ZC3H12B: variants seen among roughly 807,000 people sequenced by gnomAD.
ZC3H12B encodes the protein zinc finger CCCH-type containing 12B, also known as probable ribonuclease ZC3H12B.
In ZC3H12B, 7 loss-of-function variants were observed where a neutral mutation model predicts 43.9. That is an observed-to-expected ratio of 0.16 (90% CI 0.09 to 0.30). ZC3H12B has a LOEUF of 0.30. Among genes scored for constraint, ZC3H12B ranks in the 10% least tolerant of loss-of-function variants. The pLI is 1.00. For missense variants in ZC3H12B, 475 were observed against 670.2 expected (o/e 0.71, Z 3.22); for synonymous variants, 222 against 241.7 (o/e 0.92, Z 0.76).
the ZC3H12B span, among the ~76,000 whole-genome samples, chrX:65,111,557 T>TTA: frequency 4.0e-3 from 316 of 79,932 alleles, no homozygotes; most frequent in African/African-American, 0.047. Context: ...TTTTTTATTA[T>TTA]TTTTTTTTTT....
chrX:65,385,224 A>G lies in ZC3H12B; in HGVS notation n.296-13369A>G, dbSNP rs755894295. Among the ~76,000 whole-genome samples, 6 of 112,099 alleles carry G rather than the reference A, an allele frequency of 5.4e-5. No individual in the cohort carries two copies. The East Asian group carries it at 1.1e-3, about 21-fold the overall frequency. Reference sequence around the variant, plus strand: ...GCACGATGGGGATGGCATTGAATCTATAAATTACCTTGGGCAGTATGGCCA... The same window carrying G: ...GCACGATGGGGATGGCATTGAATCTGTAAATTACCTTGGGCAGTATGGCCA... On this transcript the variant is annotated intron_variant and non_coding_transcript_variant, in intron 2 of 5. Coordinates refer to the ZC3H12B transcript ENST00000617377.
At chrX:65,487,625 C>G (rs1235740072), upstream of ZC3H12B, among the ~76,000 whole-genome samples, 1 of 112,139 alleles carries the variant, frequency 8.9e-6, no homozygotes, top group East Asian at 2.8e-4. Flanking sequence ...TCTGGTTTCT[C>G]TTGCAAGTTG....
intron 3 of ZC3H12B, among the ~76,000 whole-genome samples, chrX:65,435,644 GGATAGATA>G (rs34975614): frequency 0.093 from 8,744 of 94,260 alleles, 338 homozygotes; most frequent in Middle Eastern, 0.16. Context: ...AGAACCAATA[GGATAGATA>G]GATAGATAGA....
At chrX:65,317,511 A>C in the ZC3H12B span, among the ~76,000 whole-genome samples, 24,545 of 108,362 alleles carry the variant, frequency 0.23, 6,878 homozygotes, top group African/African-American at 0.78. Flanking sequence ...AATTTGTAGT[A>C]TTTTATCCCA....
chrX:65,419,776 C>A (rs916075335), intron 3 of ZC3H12B, among the ~76,000 whole-genome samples: 4 of 110,387 alleles, frequency 3.6e-5, no homozygotes, highest in Non-Finnish European at 7.6e-5. Context: ...TCCAGGATAG[C>A]CTCCATAGAT....
chrX:65,214,888 T>G, the ZC3H12B span, among the ~76,000 whole-genome samples: 1 of 111,714 alleles, frequency 9.0e-6, no homozygotes. Context: ...ACTTCTTGAT[T>G]CATGAGTTGC....
intron 2 of ZC3H12B, among the ~76,000 whole-genome samples, chrX:65,380,936 G>A (rs969263729): frequency 1.8e-5 from 2 of 111,561 alleles, no homozygotes; most frequent in Non-Finnish European, 3.8e-5. Context: ...CAAAACAGGA[G>A]CACCCAGATT....
the ZC3H12B span, among the ~76,000 whole-genome samples, chrX:65,193,742 A>T: frequency 3.6e-5 from 4 of 111,356 alleles, no homozygotes; most frequent in Non-Finnish European, 5.7e-5. Flanking sequence ...AAATTTTTCT[A>T]CTTTTTGGTG....
chrX:65,107,860 C>G, the ZC3H12B span, among the ~76,000 whole-genome samples: 1 of 111,156 alleles, frequency 9.0e-6, no homozygotes, highest in African/African-American at 3.3e-5. Flanking sequence ...TCGGGCAGTT[C>G]TTTATAGCAG....
the ZC3H12B span, among the ~76,000 whole-genome samples, chrX:65,174,774 A>G: frequency 8.9e-6 from 1 of 111,986 alleles, no homozygotes; most frequent in African/African-American, 3.2e-5. Flanking sequence ...GCTCGCAGTG[A>G]GAATTTCAAG....
At chrX:65,501,792 A>G in exon 5 of ZC3H12B, 1 of 1,151,638 alleles carries the variant, frequency 8.7e-7, no homozygotes, top group Non-Finnish European at 1.2e-6. Flanking sequence ...TTTTCAGGCA[A>G]AAAATGCACC....
chrX:65,307,136 G>T, the ZC3H12B span, among the ~76,000 whole-genome samples: 3 of 112,263 alleles, frequency 2.7e-5, no homozygotes, highest in African/African-American at 9.7e-5. Context: ...TAAAATTGTA[G>T]AGTGTAAATA....
At chrX:65,240,437 G>A in the ZC3H12B span, among the ~76,000 whole-genome samples, 1 of 111,940 alleles carries the variant, frequency 8.9e-6, no homozygotes, top group Middle Eastern at 4.6e-3. Context: ...ATATGCCTGT[G>A]TAAAGTTGCT....
the ZC3H12B span, among the ~76,000 whole-genome samples, chrX:65,290,548 C>T: frequency 9.0e-6 from 1 of 111,490 alleles, no homozygotes; most frequent in African/African-American, 3.3e-5. Context: ...CAAAGGAATA[C>T]CTGCACTCAT....
chrX:65,061,148 A>T, the ZC3H12B span, among the ~76,000 whole-genome samples: 2 of 110,098 alleles, frequency 1.8e-5, no homozygotes, highest in Non-Finnish European at 3.8e-5. Flanking sequence ...TTTTATTCTT[A>T]TTTTTATTTT....
chrX:65,139,520 T>G, the ZC3H12B span, among the ~76,000 whole-genome samples: 1 of 112,028 alleles, frequency 8.9e-6, no homozygotes, highest in Non-Finnish European at 1.9e-5. Context: ...GGTAGTGTGA[T>G]GTCTCCAGCT....
chrX:65,450,894 T>C (rs2067495745), intron 3 of ZC3H12B, among the ~76,000 whole-genome samples: 1 of 93,375 alleles, frequency 1.1e-5, no homozygotes, highest in Non-Finnish European at 2.1e-5. Context: ...TGTATATATG[T>C]ATATATATAC....
the ZC3H12B span, among the ~76,000 whole-genome samples, chrX:65,351,706 G>A: frequency 8.9e-6 from 1 of 112,279 alleles, no homozygotes; most frequent in Admixed American, 9.4e-5. Flanking sequence ...GCTAACAGAC[G>A]TATGAAAAAA....
intron 3 of ZC3H12B, among the ~76,000 whole-genome samples, chrX:65,416,355 C>T (rs1251247748): frequency 4.5e-5 from 5 of 111,686 alleles, no homozygotes; most frequent in Admixed American, 1.9e-4. Flanking sequence ...GGCTACTCCC[C>T]TTCTAATTCT....
Sources: gnomAD v4.1 joint callset for allele counts (sites outside exome capture counted in the v4.1 genomes callset) on GRCh38, gnomAD v4.1.1 for gene constraint, MANE v1.5 for transcripts, NCBI Gene and HGNC (gene_info 2026-07-23, HGNC 2026-07-21) for gene names.